Variants in SGPP2 observed in about 807,000 individuals in gnomAD.
SGPP2 encodes sphingosine 1-phosphate phosphohydrolase 2.
In SGPP2, 30 loss-of-function variants were observed where a neutral mutation model predicts 33.9. The ratio of observed to expected loss-of-function variants is 0.89; its 90% confidence interval spans 0.66 to 1.20. SGPP2 has a LOEUF of 1.20. Ranked by LOEUF, SGPP2 falls within the 50% of genes most tolerant of loss-of-function variation. SGPP2 has a pLI of 0.00. For synonymous variants in SGPP2, 233 were observed against 225.0 expected, an observed-to-expected ratio of 1.04 and a Z score of -0.32; for missense variants, 458 against 532.1, an observed-to-expected ratio of 0.86 and a Z score of 1.37.
intron 1 of SGPP2, among the ~76,000 whole-genome samples, chr2:222,437,319 T>C (rs996052978): frequency 1.3e-5 from 2 of 152,214 alleles, no homozygotes; most frequent in Admixed American, 6.5e-5. Context: ...AGTGCACAAC[T>C]GGTGCACTTC....
chr2:222,424,686 T>C lies in SGPP2; in HGVS notation c.84T>C (p.Asp28=). The change falls in exon 1 of 5, where the codon GAT becomes GAC. Residue 28 remains aspartate, a synonymous_variant. Coordinates refer to ENST00000321276, the MANE Select transcript of SGPP2 (RefSeq NM_152386.4). ...QRRCGLFPAP[D]EGPRENGADP... ...GCTGCGGGCTCTTCCCCGCTCCGGA[T>C]GAAGGCCCCCGGGAGAACGGCGCGG... 1 of 1,450,262 alleles carries C rather than the reference T, an allele frequency of 6.9e-7. No individual in the cohort carries two copies. Among genetic ancestry groups the C allele is most frequent in the Non-Finnish European group, 9.1e-7 (1 of 1,103,458 alleles). 89.8% of individuals were successfully genotyped at this position (1,450,262 alleles called of 1,614,324 possible).
At chr2:222,425,416 G>A (rs1388512760) in intron 1 of SGPP2, among the ~76,000 whole-genome samples, 3 of 152,198 alleles carry the variant, frequency 2.0e-5, no homozygotes, top group Non-Finnish European at 4.4e-5. Flanking sequence ...CAGAGTCTGG[G>A]GGTCCCTCCT....
rs906109575 is a variant in SGPP2 at position 222,550,249 on chromosome 2, G to T, written c.649-8098G>T. On this transcript the variant is annotated intron_variant, in intron 4 of 4. Transcript: ENST00000321276. The surrounding 1 kb of genome is among the most constrained non-coding windows in gnomAD (Gnocchi z 4.5). ...TATTGCTTATCATATAGATTCTTAG[G>T]GATATTTCTTTTTTTGGCATGATGT... is the stretch of plus-strand genomic sequence containing the variant. 6.6e-6 allele frequency among the ~76,000 whole-genome samples: 1 copy of T among 151,840 alleles called. No individual in the cohort carries two copies. The highest frequency in any genetic ancestry group is 6.6e-5 in the Admixed American group (1 of 15,240).
intron 2 of SGPP2, among the ~76,000 whole-genome samples, chr2:222,506,461 T>C (rs983124790): frequency 1.3e-5 from 2 of 152,252 alleles, no homozygotes; most frequent in Admixed American, 1.3e-4. Flanking sequence ...TGATTCATCT[T>C]GTAAACAGTT....
At chr2:222,539,725 A>G (rs1339720688) in intron 4 of SGPP2, among the ~76,000 whole-genome samples, 1 of 152,222 alleles carries the variant, frequency 6.6e-6, no homozygotes, top group Non-Finnish European at 1.5e-5. Context: ...CACCTTCTAG[A>G]TTCTGCAAGA....
chr2:222,536,087 T>C (rs1325591978), intron 4 of SGPP2, among the ~76,000 whole-genome samples: 1 of 152,212 alleles, frequency 6.6e-6, no homozygotes, highest in Non-Finnish European at 1.5e-5. Flanking sequence ...AAGGGGTTGA[T>C]GAAATCTTCC....
Position 222,476,503 on chromosome 2 carries a change from G to A in SGPP2, c.378+1777G>A, listed in dbSNP as rs1437180454. Among the ~76,000 whole-genome samples the A allele has an allele frequency of 6.6e-6, 1 of 152,116 alleles. No individual in the cohort carries two copies. Among genetic ancestry groups the A allele is most frequent in the Non-Finnish European group, 1.5e-5 (1 of 68,022 alleles). On this transcript the variant is annotated intron_variant, in intron 2 of 4. Coordinates refer to ENST00000321276, the MANE Select transcript of SGPP2 (RefSeq NM_152386.4). This position sits in a 1 kb window ranked among gnomAD's most constrained non-coding sequence, Gnocchi z 4.3. ...GCATAGGCATCTTGCAAATCATAAA[G>A]AGAACGTTAGTCCAGTTGTCCCTCC...
At chr2:222,512,634 C>A (rs1698546398) in intron 2 of SGPP2, among the ~76,000 whole-genome samples, 2 of 152,152 alleles carry the variant, frequency 1.3e-5, no homozygotes, top group African/African-American at 4.8e-5. Flanking sequence ...TGCCTGTTCA[C>A]CCCTCCCTCT....
chr2:222,492,117 CAT>C (rs1698206415), intron 2 of SGPP2, among the ~76,000 whole-genome samples: 1 of 152,190 alleles, frequency 6.6e-6, no homozygotes, highest in African/African-American at 2.4e-5. Context: ...TTTTCAGACA[CAT>C]GGTGCAAGCT....
At chr2:222,468,743 A>G (rs1195090460) in intron 1 of SGPP2, among the ~76,000 whole-genome samples, 1 of 152,120 alleles carries the variant, frequency 6.6e-6, no homozygotes, top group Non-Finnish European at 1.5e-5. Flanking sequence ...ATACATTCTC[A>G]ATGTTCTTTT....
chr2:222,509,091 G>A (rs534251377), intron 2 of SGPP2, among the ~76,000 whole-genome samples: 11 of 151,788 alleles, frequency 7.2e-5, no homozygotes, highest in Non-Finnish European at 1.6e-4. Flanking sequence ...ACTCCCAGAC[G>A]CTAAATAGGA....
At chr2:222,473,904 A>G (rs1697888388) in intron 1 of SGPP2, among the ~76,000 whole-genome samples, 1 of 149,588 alleles carries the variant, frequency 6.7e-6, no homozygotes, top group African/African-American at 2.5e-5. Context: ...AGCCTGGGCA[A>G]CAAGAGCAAA....
intron 1 of SGPP2, among the ~76,000 whole-genome samples, chr2:222,447,350 T>C: frequency 6.6e-6 from 1 of 152,236 alleles, no homozygotes; most frequent in East Asian, 1.9e-4. Context: ...ATTGCCAGAC[T>C]GACTTGCACT....
In SGPP2 at chr2:222,431,805, T is replaced by C. The variant is rs148029329; in HGVS notation, c.219+6984T>C. Among the ~76,000 whole-genome samples, 494 of 152,274 alleles carry C rather than the reference T, an allele frequency of 3.2e-3. 4 individuals carry two copies. The highest frequency in any genetic ancestry group is 0.011 in the African/African-American group (469 of 41,554). ...GATCAGATCTCAAGCTCATTCTCCA[T>C]ATGCCTTCTTTCTCATATCCTACCA... is the stretch of plus-strand genomic sequence containing the variant. On this transcript the variant is annotated intron_variant, in intron 1 of 4. Transcript: ENST00000321276.
intron 1 of SGPP2, among the ~76,000 whole-genome samples, chr2:222,454,205 C>T (rs1697536359): frequency 6.6e-6 from 1 of 152,196 alleles, no homozygotes; most frequent in Non-Finnish European, 1.5e-5. Flanking sequence ...AACCTGCAAG[C>T]ATCTGAAGAT....
At chr2:222,508,018 C>T (rs1049690936) in intron 2 of SGPP2, among the ~76,000 whole-genome samples, 4 of 152,132 alleles carry the variant, frequency 2.6e-5, no homozygotes, top group South Asian at 2.1e-4. Context: ...TGAAGACACT[C>T]GTTCCCTCAG....
intron 2 of SGPP2, among the ~76,000 whole-genome samples, chr2:222,507,572 T>G (rs1416576725): frequency 6.6e-6 from 1 of 152,194 alleles, no homozygotes; most frequent in Non-Finnish European, 1.5e-5. Context: ...GGGAGGAATC[T>G]AGTAGAAAAG....
intron 1 of SGPP2, among the ~76,000 whole-genome samples, chr2:222,430,309 C>T (rs1397505627): frequency 6.6e-6 from 1 of 152,068 alleles, no homozygotes; most frequent in Non-Finnish European, 1.5e-5. Flanking sequence ...ACAAGTTCAG[C>T]TTGGATATCA....
intron 4 of SGPP2, among the ~76,000 whole-genome samples, chr2:222,526,196 C>T (rs1318297951): frequency 2.1e-5 from 3 of 144,372 alleles, no homozygotes; most frequent in South Asian, 2.4e-4. Context: ...ATTCATGCTA[C>T]AAAACCCCAT....
Sources: allele counts gnomAD v4.1 joint callset (sites outside exome capture counted in the v4.1 genomes callset), GRCh38; gene constraint gnomAD v4.1.1; non-coding constraint Gnocchi (gnomAD v3.1); transcripts MANE v1.5; gene names NCBI Gene and HGNC (gene_info 2026-07-23, HGNC 2026-07-21).